HMCES: variants seen among roughly 807,000 people sequenced by gnomAD.
The protein encoded by HMCES is 5-hydroxymethylcytosine binding, ES cell specific, also known as abasic site processing protein HMCES.
Under a neutral mutation model 35.1 loss-of-function variants are expected in HMCES, and 27 were observed. The ratio of observed to expected loss-of-function variants is 0.77; its 90% CI spans 0.57 to 1.06. The LOEUF is 1.06. HMCES is among the 50% of genes least tolerant of loss of function. The probability of loss-of-function intolerance (pLI) is 0.00; values close to 1 mark genes in which losing one functional copy is unlikely to be tolerated. For missense variants in HMCES, 391 were observed against 430.4 expected (o/e 0.91, Z 0.81); for synonymous variants, 130 against 154.7 (o/e 0.84, Z 1.18).
At position 129,279,950 on chromosome 3, in the gene HMCES, A is replaced by C; in HGVS notation, c.183+35A>C. 1 of 1,497,654 alleles carries C rather than the reference A, an allele frequency of 6.7e-7. No homozygotes were observed. The highest frequency in any genetic ancestry group is 8.9e-7 in the Non-Finnish European group (1 of 1,123,168). The allele number at this position is 1,497,654 out of a possible 1,614,324, so 92.8% of individuals were successfully genotyped here. ...ATTGCACTATGCTAGCCCCTCGCCC[A>C]GCCTCGTGATGGTCATCTCCTATTT... is the stretch of plus-strand genomic sequence containing the variant. On this transcript the variant is annotated intron_variant, in intron 2 of 6. Coordinates refer to ENST00000383463, the MANE Select transcript of HMCES (RefSeq NM_020187.3). This position sits in a 1 kb window ranked among gnomAD's most constrained non-coding sequence, Gnocchi z 4.2.
At chr3:129,284,341 G>A (rs1244097970) in intron 2 of HMCES, among the ~76,000 whole-genome samples, 1 of 152,164 alleles carries the variant, frequency 6.6e-6, no homozygotes, top group Non-Finnish European at 1.5e-5. Flanking sequence ...TATATACATT[G>A]GATAAGCTTT....
At chr3:129,286,258 A>G (rs1377168341) in intron 2 of HMCES, among the ~76,000 whole-genome samples, 1 of 152,224 alleles carries the variant, frequency 6.6e-6, no homozygotes, top group African/African-American at 2.4e-5. Context: ...ACCTTTGGGA[A>G]TCAAAGCCCT....
At position 129,304,898 on chromosome 3, in the gene HMCES, G is replaced by GTA; in HGVS notation, c.*77_*78dup. On this transcript the variant is annotated 3_prime_UTR_variant, in exon 7 of 7. Coordinates refer to ENST00000383463, the MANE Select transcript of HMCES (RefSeq NM_020187.3). ...TGATAATAGGTTCTTAACATTGTAT[G>GTA]TATATGTGTTTGCTTTGGGAGGAGG... 1 of 1,221,212 alleles carries GTA rather than the reference G, an allele frequency of 8.2e-7. No homozygotes were observed. The allele number at this position is 1,221,212 out of a possible 1,614,324, so 75.6% of individuals were successfully genotyped here.
chr3:129,289,313 C>T (rs1162167354), intron 3 of HMCES, among the ~76,000 whole-genome samples: 4 of 152,172 alleles, frequency 2.6e-5, no homozygotes, highest in Non-Finnish European at 4.4e-5. Context: ...GACTTCTTCA[C>T]CCACATCTGA....
intron 5 of HMCES, among the ~76,000 whole-genome samples, chr3:129,301,282 TTTAATC>T (rs2071166219): frequency 6.6e-6 from 1 of 152,178 alleles, no homozygotes; most frequent in Non-Finnish European, 1.5e-5. Flanking sequence ...TTATATTTCA[TTTAATC>T]TAAATCACCA....
rs370388126 is a variant in HMCES at position 129,286,484 on chromosome 3, G to A, written c.184-2370G>A. Among the ~76,000 whole-genome samples the A allele has an allele frequency of 3.9e-4, 60 of 152,248 alleles. No individual in the cohort carries two copies. In the South Asian group the frequency reaches 0.012, roughly 32 times the overall value. ...AAGCCCGTCCAGATTCAAGGGGAAC[G>A]AACATAGATTCCCAATTCTCAATGG... On this transcript the variant is annotated intron_variant, in intron 2 of 6. Coordinates refer to ENST00000383463, the MANE Select transcript of HMCES (RefSeq NM_020187.3).
At chr3:129,281,623 G>A (rs1940487330) in intron 2 of HMCES, among the ~76,000 whole-genome samples, 1 of 152,040 alleles carries the variant, frequency 6.6e-6, no homozygotes, top group Non-Finnish European at 1.5e-5. Flanking sequence ...CCCGGGAGGC[G>A]AAGGTTGGGG....
At chr3:129,297,483 T>A (rs1303322809) in intron 4 of HMCES, among the ~76,000 whole-genome samples, 2 of 152,076 alleles carry the variant, frequency 1.3e-5, no homozygotes, top group African/African-American at 4.8e-5. Context: ...AGCTTGCCTT[T>A]AAGGTATTCA....
chr3:129,287,385 G>A (rs1325448770), intron 2 of HMCES, among the ~76,000 whole-genome samples: 1 of 151,416 alleles, frequency 6.6e-6, no homozygotes, highest in African/African-American at 2.4e-5. Context: ...CACCACACCA[G>A]AATAATTTTT....
rs1292618622 is a variant in HMCES at position 129,288,901 on chromosome 3, G to A, written c.231G>A (p.Leu77=). The A allele has an allele frequency of 6.3e-7, 1 of 1,599,830 alleles. No individual in the cohort carries two copies. The highest frequency in any genetic ancestry group is 8.6e-7 in the Non-Finnish European group (1 of 1,168,624). ...TCATTGCTCCCATGCGCTGGGGCTT[G>A]GTCCCTTCTTGGTTCAAAGAAAGTG... ...ERIIAPMRWG[L]VPSWFKESDP... Residue 77 remains leucine, a synonymous_variant, in exon 3 of 7, where the codon TTG becomes TTA. Coordinates refer to ENST00000383463, the MANE Select transcript of HMCES (RefSeq NM_020187.3).
At chr3:129,284,730 T>C (rs1456976781) in intron 2 of HMCES, among the ~76,000 whole-genome samples, 1 of 152,144 alleles carries the variant, frequency 6.6e-6, no homozygotes, top group Non-Finnish European at 1.5e-5. Flanking sequence ...GTAACCAACA[T>C]AGTGAAACCC....
chr3:129,298,848 TA>T lies in HMCES; in HGVS notation c.635+316del, dbSNP rs2071126240. 9.2e-5 allele frequency among the ~76,000 whole-genome samples: 14 copies of T among 152,066 alleles called. 1 individual carries two copies. In the South Asian group the frequency reaches 2.9e-3, roughly 32 times the overall value. Reference sequence around the variant, plus strand: ...TTATACATGTTAGGTGGTTAAGAAATAAATAAATACTACAGGCTGAGCACGG... The same window carrying T: ...TTATACATGTTAGGTGGTTAAGAAATAATAAATACTACAGGCTGAGCACGG... On this transcript the variant is annotated intron_variant, in intron 5 of 6. Transcript: ENST00000383463.
chr3:129,293,700 C>T (rs921554237), intron 4 of HMCES, among the ~76,000 whole-genome samples: 3 of 150,894 alleles, frequency 2.0e-5, no homozygotes, highest in East Asian at 1.9e-4. Context: ...CCTGAATAGC[C>T]GGGATTACAG....
chr3:129,295,746 C>G (rs2071084898), intron 4 of HMCES, among the ~76,000 whole-genome samples: 1 of 152,104 alleles, frequency 6.6e-6, no homozygotes, highest in African/African-American at 2.4e-5. Flanking sequence ...GTGTGCTGCT[C>G]TCACCACCTT....
At position 129,301,942 on chromosome 3, in the gene HMCES, C is replaced by T; in HGVS notation, c.636-8C>T. 6.2e-7 allele frequency: 1 copy of T among 1,608,664 alleles called. No individual in the cohort carries two copies. Among genetic ancestry groups the T allele is most frequent in the East Asian group, 2.2e-5 (1 of 44,874 alleles). On this transcript the variant is annotated splice_polypyrimidine_tract_variant and splice_region_variant and intron_variant, in intron 5 of 6. Transcript: ENST00000383463. Reference sequence around the variant, plus strand: ...TCTCCCAACCATTGTCTTAACTTCCCTGGCCAGGATGCCTGCCATATTAGA... The same window carrying T: ...TCTCCCAACCATTGTCTTAACTTCCTTGGCCAGGATGCCTGCCATATTAGA...
intron 4 of HMCES, 81 bp downstream of exon 4, chr3:129,290,885 C>A: frequency 1.5e-6 from 2 of 1,360,390 alleles, no homozygotes; most frequent in East Asian, 2.5e-5. Context: ...TTTTCTTCCC[C>A]ATAGTTTTAT....
At chr3:129,299,482 T>C (rs2071133793) in intron 5 of HMCES, among the ~76,000 whole-genome samples, 1 of 152,168 alleles carries the variant, frequency 6.6e-6, no homozygotes, top group Admixed American at 6.5e-5. Flanking sequence ...TTTTCATCTG[T>C]ACTTGTGGCT....
In HMCES at chr3:129,298,431, C is replaced by T. The variant is rs142298790; in HGVS notation, c.531C>T (p.Ala177=). ...VWDNWRLLTM[A]GIFDCWEPPE... is the part of the protein sequence containing the mutation. ...ACAACTGGAGGCTGCTGACAATGGCCGGGATCTTTGACTGCTGGGAGCCCC... is the reference window on the plus strand; with the variant it reads ...ACAACTGGAGGCTGCTGACAATGGCTGGGATCTTTGACTGCTGGGAGCCCC... Residue 177 remains alanine, a synonymous_variant, in exon 5 of 7, where the codon GCC becomes GCT. Transcript: ENST00000383463. 6.4e-5 allele frequency: 104 copies of T among 1,614,088 alleles called. No homozygotes were observed. The African/African-American group carries it at 1.0e-3, about 16-fold the overall frequency.
intron 4 of HMCES, among the ~76,000 whole-genome samples, chr3:129,292,367 G>C (rs1391859558): frequency 2.0e-5 from 3 of 151,876 alleles, no homozygotes; most frequent in Non-Finnish European, 4.4e-5. Context: ...TGAGTAGCTG[G>C]TCCCAGCTAC....
Sources: gnomAD v4.1 joint callset for allele counts (sites outside exome capture counted in the v4.1 genomes callset) on GRCh38, gnomAD v4.1.1 for gene constraint, Gnocchi (gnomAD v3.1) non-coding constraint, MANE v1.5 for transcripts, NCBI Gene and HGNC (gene_info 2026-07-23, HGNC 2026-07-21) for gene names.